Variants in OLFM1 observed in about 807,000 individuals in gnomAD.
OLFM1 encodes olfactomedin 1.
In OLFM1, 9 loss-of-function variants were observed where a neutral mutation model predicts 49.7. The ratio of observed to expected loss-of-function variants is 0.18; its 90% CI spans 0.11 to 0.32. The LOEUF (loss-of-function observed/expected upper bound fraction) is 0.32, where lower values mean the gene tolerates loss of function less well. Among genes scored for constraint, OLFM1 ranks in the 10% least tolerant of loss-of-function variants. OLFM1 has a pLI of 1.00. For missense variants in OLFM1, 369 were observed against 661.8 expected, an observed-to-expected ratio of 0.56 and a Z score of 4.85; for synonymous variants, 240 against 271.8, an observed-to-expected ratio of 0.88 and a Z score of 1.15.
intron 1 of OLFM1, among the ~76,000 whole-genome samples, chr9:135,078,870 A>G (rs932423528): frequency 5.9e-5 from 9 of 152,198 alleles, no homozygotes; most frequent in African/African-American, 2.2e-4. Flanking sequence ...CCCACCAGAC[A>G]CTGGCTGTGT....
At chr9:135,091,852 TAGTCACACACACTCACACAC>T (rs1830717001) in intron 2 of OLFM1, among the ~76,000 whole-genome samples, 2 of 53,496 alleles carry the variant, frequency 3.7e-5, no homozygotes, top group Non-Finnish European at 7.4e-5. Flanking sequence ...CACTCACACA[TAGTCACACACACTCACACAC>T]AGTCACACAC....
At chr9:135,091,007 T>A (rs1333837276) in intron 2 of OLFM1, among the ~76,000 whole-genome samples, 1 of 152,200 alleles carries the variant, frequency 6.6e-6, no homozygotes, top group Non-Finnish European at 1.5e-5. Flanking sequence ...ACAAGAACCA[T>A]GTGAAGTTGG....
In OLFM1 at chr9:135,098,095, C is replaced by T. The variant is rs13286076; in HGVS notation, c.457-191C>T. On this transcript the variant is annotated intron_variant, in intron 3 of 5. Transcript: ENST00000371793. This position sits in a 1 kb window ranked among gnomAD's most constrained non-coding sequence, Gnocchi z 5.6. ...TGCATTCTAAACTGACAATAAAGAC[C>T]TTTCCCAAATATGCTGGTGTTCTGA... 1 of 1,431,926 alleles carries T rather than the reference C, an allele frequency of 7.0e-7. No homozygotes were observed. The highest frequency in any genetic ancestry group is 2.9e-5 in the Admixed American group (1 of 33,962). The allele number at this position is 1,431,926 out of a possible 1,614,324, so 88.7% of individuals were successfully genotyped here.
rs984605116 is a variant in OLFM1 at position 135,076,421 on chromosome 9, T to C, written c.96+619T>C. 88 of 1,463,694 alleles carry C rather than the reference T, an allele frequency of 6.0e-5. No homozygotes were observed. The African/African-American group carries it at 1.1e-3, about 18-fold the overall frequency. 90.7% of individuals were successfully genotyped at this position (1,463,694 alleles called of 1,614,324 possible). A position where few individuals can be genotyped will look rare whatever the true frequency, so the allele number is the denominator to read the frequency against. ...AGTGAGGAGCCCTGTGGCGTGCTGGTGTGGGGATCGTGGGCATTTCAAACG... is the reference window on the plus strand; with the variant it reads ...AGTGAGGAGCCCTGTGGCGTGCTGGCGTGGGGATCGTGGGCATTTCAAACG... On this transcript the variant is annotated intron_variant, in intron 1 of 5. Coordinates refer to the OLFM1 transcript ENST00000252854.
chr9:135,090,426 A>C, intron 2 of OLFM1, 82 bp downstream of exon 2: 1 of 1,411,554 alleles, frequency 7.1e-7, no homozygotes, highest in Non-Finnish European at 9.6e-7. Flanking sequence ...GTGTGCTCAC[A>C]CCAGCACCAA....
intron 1 of OLFM1, among the ~76,000 whole-genome samples, chr9:135,081,844 G>C (rs117848897): frequency 1.3e-5 from 2 of 152,262 alleles, no homozygotes; most frequent in Non-Finnish European, 2.9e-5. Context: ...GCTCTAAACT[G>C]CCCGACACGT....
At chr9:135,085,735 G>A (rs539940), upstream of OLFM1, among the ~76,000 whole-genome samples, 125,604 of 152,286 alleles carry the variant, frequency 0.82, 52,378 homozygotes, top group African/African-American at 0.88. Flanking sequence ...ATTCTTCAAC[G>A]ATCCATACTT....
chr9:135,082,533 T>G (rs1490380233), intron 1 of OLFM1, among the ~76,000 whole-genome samples: 1 of 152,210 alleles, frequency 6.6e-6, no homozygotes, highest in Non-Finnish European at 1.5e-5. Flanking sequence ...TTTTTGACAG[T>G]GCAGTGGGAC....
In OLFM1 at chr9:135,098,138, C is replaced by G; in HGVS notation, c.457-148C>G. The stretch of plus-strand genomic sequence containing the variant: ...TGTTCTGAGGACTGTTTAATATGCT[C>G]TTCTAACTCATTTGGACCAGAACAA... On this transcript the variant is annotated intron_variant, in intron 3 of 5. Coordinates refer to ENST00000371793, the MANE Select transcript of OLFM1 (RefSeq NM_001282611.2). The surrounding 1 kb of genome is among the most constrained non-coding windows in gnomAD (Gnocchi z 5.6). 3.5e-6 allele frequency: 5 copies of G among 1,438,118 alleles called. No homozygotes were observed. Among genetic ancestry groups the G allele is most frequent in the Non-Finnish European group, 4.6e-6 (5 of 1,098,562 alleles). The allele number at this position is 1,438,118 out of a possible 1,614,324, so 89.1% of individuals were successfully genotyped here.
chr9:135,108,872 G>T (rs1830983193), intron 5 of OLFM1, among the ~76,000 whole-genome samples: 2 of 152,062 alleles, frequency 1.3e-5, no homozygotes, highest in South Asian at 4.2e-4. Context: ...TCAGGATCAT[G>T]GAGTGCCTGT....
intron 2 of OLFM1, 79 bp downstream of exon 2, chr9:135,090,423 C>G: frequency 1.4e-6 from 2 of 1,411,040 alleles, no homozygotes; most frequent in African/African-American, 1.4e-5. Context: ...CCTGTGTGCT[C>G]ACACCAGCAC....
At chr9:135,094,657 C>A (rs1191582892) in intron 2 of OLFM1, among the ~76,000 whole-genome samples, 1 of 151,990 alleles carries the variant, frequency 6.6e-6, no homozygotes, top group Non-Finnish European at 1.5e-5. Flanking sequence ...ATATGAAATT[C>A]CTTGCATTTT....
Position 135,088,535 on chromosome 9 carries a change from G to A in OLFM1, c.150+396G>A, listed in dbSNP as rs1189227562. 3.3e-5 allele frequency among the ~76,000 whole-genome samples: 5 copies of A among 152,140 alleles called. No homozygotes were observed. The South Asian group carries it at 8.3e-4, about 25-fold the overall frequency. Reference sequence around the variant, plus strand: ...GTCCAAGGTCACACTCAGCGAGTGAGGGGTGGAGCCGCCGCTAGACCCTAG... The same window carrying A: ...GTCCAAGGTCACACTCAGCGAGTGAAGGGTGGAGCCGCCGCTAGACCCTAG... On this transcript the variant is annotated intron_variant, in intron 1 of 5. Transcript: ENST00000371793. This position sits in a 1 kb window ranked among gnomAD's most constrained non-coding sequence, Gnocchi z 4.8.
At chr9:135,076,211 C>T in intron 1 of OLFM1, 3 of 1,550,630 alleles carry the variant, frequency 1.9e-6, no homozygotes, top group Non-Finnish European at 2.6e-6. Flanking sequence ...CTACCCCCAA[C>T]ACACACCCCT....
intron 1 of OLFM1, among the ~76,000 whole-genome samples, chr9:135,089,352 C>A (rs1830648613): frequency 6.6e-6 from 1 of 152,238 alleles, no homozygotes; most frequent in African/African-American, 2.4e-5. Context: ...GGAGCGTGCT[C>A]AGAGACAGTA....
In OLFM1 at chr9:135,120,325, A is replaced by G; in HGVS notation, c.*147A>G. 1.4e-6 allele frequency: 1 copy of G among 713,296 alleles called. No homozygotes were observed. 44.2% of individuals were successfully genotyped at this position (713,296 alleles called of 1,614,324 possible). On this transcript the variant is annotated 3_prime_UTR_variant, in exon 6 of 6. Transcript: ENST00000371793. ...GATTCTGACATCGAGGGATGGCATT[A>G]CCTCCGTGTTTCTCCCTTTCGAGCC...
intron 5 of OLFM1, among the ~76,000 whole-genome samples, chr9:135,112,089 C>T (rs537088792): frequency 2.4e-4 from 36 of 152,244 alleles, no homozygotes; most frequent in South Asian, 8.3e-4. Flanking sequence ...TCTCAGCATA[C>T]GTTGTGGGGG....
chr9:135,094,892 T>C (rs1830765673), intron 2 of OLFM1, among the ~76,000 whole-genome samples: 1 of 152,164 alleles, frequency 6.6e-6, no homozygotes, highest in Non-Finnish European at 1.5e-5. Flanking sequence ...GAGTGAAGAT[T>C]TGCTGTCATG....
chr9:135,091,499 A>T (rs1204499210), intron 2 of OLFM1, among the ~76,000 whole-genome samples: 1 of 134,832 alleles, frequency 7.4e-6, no homozygotes, highest in East Asian at 2.4e-4. Context: ...TCACACACAC[A>T]TTCACACAGT....
Sources: allele counts gnomAD v4.1 joint callset (sites outside exome capture counted in the v4.1 genomes callset), GRCh38; gene constraint gnomAD v4.1.1; non-coding constraint Gnocchi (gnomAD v3.1); transcripts MANE v1.5; gene names NCBI Gene and HGNC (gene_info 2026-07-23, HGNC 2026-07-21).